The following PCDHA13 variants were observed in gnomAD, a reference collection of about 807,000 sequenced individuals.
The protein encoded by PCDHA13 is protocadherin alpha-13.
Under a neutral mutation model 64.8 loss-of-function variants are expected in PCDHA13, and 54 were observed. The ratio of observed to expected loss-of-function variants is 0.83; its 90% CI spans 0.67 to 1.04. The LOEUF (loss-of-function observed/expected upper bound fraction) is 1.04, where lower values mean the gene tolerates loss of function less well. Among genes scored for constraint, PCDHA13 ranks in the 50% least tolerant of loss-of-function variants. The probability of loss-of-function intolerance (pLI) is 0.00; values close to 1 mark genes in which losing one functional copy is unlikely to be tolerated. For synonymous variants in PCDHA13, 587 were observed against 564.4 expected, an observed-to-expected ratio of 1.04 and a Z score of -0.57; for missense variants, 1,248 against 1,254.3, an observed-to-expected ratio of 0.99 and a Z score of 0.08.
At chr5:140,928,123 T>C in intron 1 of PCDHA13, 1 of 1,614,200 alleles carries the variant, frequency 6.2e-7, no homozygotes, top group Non-Finnish European at 8.5e-7. Context: ...GATCAGTGAA[T>C]ACCAAGTCCT....
At chr5:140,999,049 A>G (rs962383659) in intron 3 of PCDHA13, among the ~76,000 whole-genome samples, 2 of 152,332 alleles carry the variant, frequency 1.3e-5, no homozygotes, top group Non-Finnish European at 2.9e-5. Context: ...TGTGCTTTCC[A>G]CCATGCCTAA....
chr5:140,938,810 C>G (rs1182517488), intron 1 of PCDHA13, among the ~76,000 whole-genome samples: 1 of 152,030 alleles, frequency 6.6e-6, no homozygotes, highest in Non-Finnish European at 1.5e-5. Context: ...ACCACAAACC[C>G]CTGTGACATG....
chr5:140,947,872 T>C (rs2094186307), intron 1 of PCDHA13, among the ~76,000 whole-genome samples: 1 of 151,588 alleles, frequency 6.6e-6, no homozygotes, highest in Admixed American at 6.6e-5. Context: ...GGCTAGGACT[T>C]CCAGGACAAT....
Position 140,923,348 on chromosome 5 carries a change from G to A in PCDHA13, c.2394+38686G>A, listed in dbSNP as rs376610944. Among the ~76,000 whole-genome samples the A allele has an allele frequency of 2.6e-3, 395 of 152,192 alleles. 2 individuals are homozygous for A. Among genetic ancestry groups the A allele is most frequent in the African/African-American group, 9.2e-3 (384 of 41,538 alleles). ...CAAGGACAGTTTGGGCAACATAGTG[G>A]GACCCTATCTTTATAAAATATTTTT... is the stretch of plus-strand genomic sequence containing the variant. On this transcript the variant is annotated intron_variant, in intron 1 of 3. Coordinates refer to ENST00000289272, the MANE Select transcript of PCDHA13 (RefSeq NM_018904.3).
In PCDHA13 at chr5:140,882,224, G is replaced by A. The variant is rs781909276; in HGVS notation, c.-45G>A. 24 of 1,558,680 alleles carry A rather than the reference G, an allele frequency of 1.5e-5. No individual in the cohort carries two copies. The highest frequency in any genetic ancestry group is 1.9e-5 in the Non-Finnish European group (22 of 1,152,290). ...GCCTTGAGAGACAGTTTGAGGTAAG[G>A]CGTTGTATATATTGCAGATAGCTCT... is the stretch of plus-strand genomic sequence containing the variant. On this transcript the variant is annotated 5_prime_UTR_variant, in exon 1 of 4. Coordinates refer to ENST00000289272, the MANE Select transcript of PCDHA13 (RefSeq NM_018904.3).
At chr5:140,892,998 AT>A (rs2063775886) in intron 1 of PCDHA13, among the ~76,000 whole-genome samples, 1 of 152,170 alleles carries the variant, frequency 6.6e-6, no homozygotes, top group South Asian at 2.1e-4. Context: ...GAGAACATGT[AT>A]TTATTTTTCT....
chr5:140,925,082 A>AAAGG (rs138596875), intron 1 of PCDHA13, among the ~76,000 whole-genome samples: 24,812 of 147,244 alleles, frequency 0.17, 2,350 homozygotes, highest in African/African-American at 0.25. Context: ...GCTCATCTGG[A>AAAGG]AAGGAAGGAA....
rs782009999 is a variant in PCDHA13, at chr5:140,928,473, C to G, written c.2394+43811C>G. 25 of 1,614,096 alleles carry G rather than the reference C, an allele frequency of 1.5e-5. No individual in the cohort carries two copies. The East Asian group carries it at 2.5e-4, about 16-fold the overall frequency. ...GGGGGTTTCATTTCCAAGTAGAAGGCCGGGATGGTGGCATTCCTCCCAGAA... is the reference window on the plus strand; with the variant it reads ...GGGGGTTTCATTTCCAAGTAGAAGGGCGGGATGGTGGCATTCCTCCCAGAA... On this transcript the variant is annotated intron_variant, in intron 1 of 3. Transcript: ENST00000289272.
At chr5:140,988,093 G>C (rs17119334) in intron 3 of PCDHA13, among the ~76,000 whole-genome samples, 1 of 152,036 alleles carries the variant, frequency 6.6e-6, no homozygotes, top group Non-Finnish European at 1.5e-5. Flanking sequence ...GTGCAGCCTC[G>C]GGCCTTGTTG....
Position 140,884,585 on chromosome 5 carries a change from A to C in PCDHA13, c.2317A>C (p.Ser773Arg). 2 of 1,614,190 alleles carry C rather than the reference A, an allele frequency of 1.2e-6. No homozygotes were observed. Among genetic ancestry groups the C allele is most frequent in the Non-Finnish European group, 1.7e-6 (2 of 1,180,020 alleles). ...GCATAAGACGGACCTCATGGCCTTCAGTCCCAGCCTTCCTCCTTGTCTGGG... is the reference window on the plus strand; with the variant it reads ...GCATAAGACGGACCTCATGGCCTTCCGTCCCAGCCTTCCTCCTTGTCTGGG... ...GPHKTDLMAF[S>R]PSLPPCLGSA... The change falls in exon 1 of 4, where the codon AGT becomes CGT. Residue 773 changes from serine (S) to arginine (R), a missense_variant. Transcript: ENST00000289272.
intron 3 of PCDHA13, among the ~76,000 whole-genome samples, chr5:140,997,722 C>G (rs2097782886): frequency 6.6e-6 from 1 of 151,372 alleles, no homozygotes; most frequent in South Asian, 2.1e-4. Context: ...CTTTCTACGT[C>G]AGTACATATA....
intron 3 of PCDHA13, among the ~76,000 whole-genome samples, chr5:140,999,657 C>A (rs1257419150): frequency 6.6e-6 from 1 of 152,156 alleles, no homozygotes; most frequent in Non-Finnish European, 1.5e-5. Flanking sequence ...CTGAGCCCTG[C>A]TGGGTTGCGG....
chr5:140,989,253 G>A (rs886150768), intron 3 of PCDHA13, among the ~76,000 whole-genome samples: 4 of 152,194 alleles, frequency 2.6e-5, no homozygotes, highest in Non-Finnish European at 1.5e-5. Flanking sequence ...CTTGTCAAAA[G>A]GGAGATTCAA....
chr5:140,884,033 C>T lies in PCDHA13; in HGVS notation c.1765C>T (p.His589Tyr). The T allele has an allele frequency of 6.2e-7, 1 of 1,613,402 alleles. No individual in the cohort carries two copies. The highest frequency in any genetic ancestry group is 8.5e-7 in the Non-Finnish European group (1 of 1,179,692). ...ELMPRSVGAG[H>Y]VVAKVRAVDA... ...GATGCCGCGGTCGGTGGGTGCAGGC[C>T]ACGTGGTGGCGAAGGTGCGCGCGGT... The change falls in exon 1 of 4, where the codon CAC becomes TAC. Residue 589 changes from histidine to tyrosine, a missense_variant. His to Tyr is a moderately conservative substitution (Grantham distance 83, BLOSUM62 2). Transcript: ENST00000289272.
intron 1 of PCDHA13, chr5:140,968,910 T>G (rs782307931): frequency 1.9e-6 from 3 of 1,613,974 alleles, no homozygotes; most frequent in Non-Finnish European, 2.5e-6. Flanking sequence ...TTAAGCACAG[T>G]GTCTTTTATA....
chr5:140,993,380 C>G (rs1304300325), intron 3 of PCDHA13, among the ~76,000 whole-genome samples: 1 of 151,860 alleles, frequency 6.6e-6, no homozygotes, highest in Non-Finnish European at 1.5e-5. Context: ...CCAGCCGGGT[C>G]CCTGAAACTC....
intron 1 of PCDHA13, among the ~76,000 whole-genome samples, chr5:140,957,285 G>GT (rs1554222913): frequency 6.6e-6 from 1 of 152,144 alleles, no homozygotes; most frequent in Non-Finnish European, 1.5e-5. Flanking sequence ...CTTACCTGCA[G>GT]TTTCACTCTG....
chr5:140,968,553 G>C (rs782583876), intron 1 of PCDHA13: 4 of 1,614,132 alleles, frequency 2.5e-6, no homozygotes, highest in South Asian at 1.1e-5. Context: ...ATGGTGCCTC[G>C]AACTGCCCCT....
Position 140,884,110 on chromosome 5 carries a change from G to A in PCDHA13, c.1842G>A (p.Ala614=). ...GGCTTTCGTATGAATTGCAGCTGGC[G>A]GCGGTCGGCGCGCGCATCCCGTTCC... ...NAWLSYELQL[A]AVGARIPFRV... is the part of the protein sequence containing the mutation. The change falls in exon 1 of 4, where the codon GCG becomes GCA. Residue 614 remains alanine (A), a synonymous_variant. Transcript: ENST00000289272. 6.2e-7 allele frequency: 1 copy of A among 1,613,438 alleles called. No individual in the cohort carries two copies. Among genetic ancestry groups the A allele is most frequent in the Non-Finnish European group, 8.5e-7 (1 of 1,179,734 alleles).
Sources: gnomAD v4.1 joint callset for allele counts (sites outside exome capture counted in the v4.1 genomes callset) on GRCh38, gnomAD v4.1.1 for gene constraint, MANE v1.5 for transcripts, NCBI Gene and HGNC (gene_info 2026-07-23, HGNC 2026-07-21) for gene names.